Variants in TMEM9 observed in about 807,000 individuals in gnomAD.
TMEM9 encodes the protein proton-transporting V-type ATPase complex assembly regulator TMEM9.
TMEM9 carries 13 observed loss-of-function variants against 22.8 expected under a neutral mutation model. That is an observed-to-expected ratio of 0.57 (90% confidence interval 0.37 to 0.91). TMEM9 has a LOEUF of 0.91. TMEM9 is among the 40% of genes least tolerant of loss of function. TMEM9 has a pLI of 0.01. For missense variants in TMEM9, 182 were observed against 238.1 expected (o/e 0.76, Z 1.55); for synonymous variants, 88 against 93.0 (o/e 0.95, Z 0.31).
Position 201,135,047 on chromosome 1 carries a change from A to T in TMEM9, c.*616T>A, listed in dbSNP as rs1044760733. ...GACCGGCAGCAGAGTATGCATGGGC[A>T]CTCCATGCCCCAGTGCGAGAAGTGC... is the stretch of plus-strand genomic sequence containing the variant. On this transcript the variant is annotated 3_prime_UTR_variant, in exon 5 of 5. Transcript: ENST00000367330. The T allele has an allele frequency of 1.3e-5, 2 of 152,598 alleles. No individual in the cohort carries two copies. Among genetic ancestry groups the T allele is most frequent in the African/African-American group, 4.8e-5 (2 of 41,390 alleles). The allele number at this position is 152,598 out of a possible 1,614,324, so 9.5% of individuals were successfully genotyped here.
chr1:201,167,576 AC>A (rs1339606575), intron 1 of TMEM9, among the ~76,000 whole-genome samples: 6 of 152,206 alleles, frequency 3.9e-5, no homozygotes, highest in Non-Finnish European at 8.8e-5. Flanking sequence ...ATGACTGGCG[AC>A]CATTTATGTC....
chr1:201,166,209 CT>C lies in TMEM9; in HGVS notation c.-37+5280del, dbSNP rs554084124. ...TGTTTTTCTACTTTCTCTAATAAAT[CT>C]GCCTTTCTTTCCTATGACTGTCTTG... On this transcript the variant is annotated intron_variant, in intron 1 of 5. Transcript: ENST00000367333. 1.9e-3 allele frequency among the ~76,000 whole-genome samples: 291 copies of C among 152,242 alleles called. 1 individual carries two copies. Among genetic ancestry groups the C allele is most frequent in the African/African-American group, 6.9e-3 (287 of 41,548 alleles).
chr1:201,156,411 G>A (rs373711995), upstream of TMEM9, among the ~76,000 whole-genome samples: 29 of 152,124 alleles, frequency 1.9e-4, no homozygotes, highest in Admixed American at 8.5e-4. Context: ...TCAGCACATC[G>A]CTCATTGCTC....
intron 2 of TMEM9, among the ~76,000 whole-genome samples, chr1:201,149,497 C>T (rs1379537428): frequency 6.6e-6 from 1 of 152,200 alleles, no homozygotes; most frequent in African/African-American, 2.4e-5. Context: ...GGGAGTGTCT[C>T]TAATAACACA....
At chr1:201,138,958 A>T (rs1360626330) in intron 4 of TMEM9, among the ~76,000 whole-genome samples, 2 of 152,218 alleles carry the variant, frequency 1.3e-5, no homozygotes, top group Non-Finnish European at 2.9e-5. Flanking sequence ...CCACAGCTAG[A>T]GCAAGAACAG....
intron 4 of TMEM9, among the ~76,000 whole-genome samples, chr1:201,139,780 G>GC (rs1332587633): frequency 6.6e-6 from 1 of 152,210 alleles, no homozygotes; most frequent in Non-Finnish European, 1.5e-5. Context: ...ACACACGATC[G>GC]CAACAGTTAT....
intron 3 of TMEM9, 50 bp downstream of exon 3, chr1:201,146,690 G>T: frequency 6.4e-7 from 1 of 1,558,990 alleles, no homozygotes; most frequent in Non-Finnish European, 8.9e-7. Context: ...GTCTGCGATT[G>T]GAGAATGGCG....
At chr1:201,160,609 T>G in intron 1 of TMEM9, among the ~76,000 whole-genome samples, 1 of 127,204 alleles carries the variant, frequency 7.9e-6, no homozygotes. Flanking sequence ...ATATTGAGGT[T>G]ATACTGGGGA....
Position 201,154,066 on chromosome 1 carries a change from C to T in TMEM9, c.-143G>A. The T allele has an allele frequency of 2.0e-6, 2 of 979,140 alleles. No individual in the cohort carries two copies. Among genetic ancestry groups the T allele is most frequent in the South Asian group, 1.7e-5 (1 of 58,104 alleles). 60.7% of individuals were successfully genotyped at this position (979,140 alleles called of 1,614,324 possible). A position where few individuals can be genotyped will look rare whatever the true frequency, so the allele number is the denominator to read the frequency against. ...AGTGGGAATGGGGTTGGGGGCTGGGCTCCAGGATTCCAAGGCCTGCTAAAC... is the reference window on the plus strand; with the variant it reads ...AGTGGGAATGGGGTTGGGGGCTGGGTTCCAGGATTCCAAGGCCTGCTAAAC... On this transcript the variant is annotated 5_prime_UTR_variant, in exon 1 of 5. Transcript: ENST00000367330.
At chr1:201,142,948 C>A (rs1255019618) in intron 4 of TMEM9, among the ~76,000 whole-genome samples, 4 of 152,258 alleles carry the variant, frequency 2.6e-5, no homozygotes, top group African/African-American at 9.6e-5. Context: ...TGGAGGTACA[C>A]CACGTCTCAC....
chr1:201,151,731 G>A (rs769799937), intron 2 of TMEM9, 30 bp downstream of exon 2: 2 of 1,559,890 alleles, frequency 1.3e-6, no homozygotes, highest in Non-Finnish European at 1.8e-6. Flanking sequence ...ACTGGGTATA[G>A]CAGCCAGGGG....
chr1:201,136,321 C>T (rs1663981266), intron 4 of TMEM9, among the ~76,000 whole-genome samples: 1 of 152,212 alleles, frequency 6.6e-6, no homozygotes, highest in Non-Finnish European at 1.5e-5. Flanking sequence ...ACTCCCCTGC[C>T]CTCCACGCCA....
chr1:201,146,718 C>T (rs759458363), intron 3 of TMEM9, 22 bp downstream of exon 3: 2 of 1,605,556 alleles, frequency 1.2e-6, no homozygotes, highest in Non-Finnish European at 1.7e-6. Context: ...ATCCCACTGG[C>T]TTCCTGAGAC....
chr1:201,161,627 G>T (rs1015773035), intron 1 of TMEM9, among the ~76,000 whole-genome samples: 1 of 152,152 alleles, frequency 6.6e-6, no homozygotes, highest in African/African-American at 2.4e-5. Flanking sequence ...TTTACTTCAG[G>T]ACTTTTCAGA....
chr1:201,157,800 CA>C (rs2102289808), upstream of TMEM9, among the ~76,000 whole-genome samples: 1 of 152,214 alleles, frequency 6.6e-6, no homozygotes, highest in African/African-American at 2.4e-5. Flanking sequence ...GACCAAGGGC[CA>C]GGGGAGCCCA....
Position 201,135,783 on chromosome 1 carries a change from G to A in TMEM9, c.432C>T (p.Ser144=). 1.2e-6 allele frequency: 2 copies of A among 1,611,624 alleles called. No individual in the cohort carries two copies. Among genetic ancestry groups the A allele is most frequent in the Non-Finnish European group, 8.5e-7 (1 of 1,178,978 alleles). ...DARSMAAAAA[S]LGGPRANTVL... Reference sequence around the variant, plus strand: ...CTGTGTTTGCTCGGGGTCCCCCGAGGGATGCAGCAGCTGCTGCCATAGAGC... The same window carrying A: ...CTGTGTTTGCTCGGGGTCCCCCGAGAGATGCAGCAGCTGCTGCCATAGAGC... The change falls in exon 5 of 5, where the codon TCC becomes TCT. Residue 144 remains serine, a synonymous_variant. Transcript: ENST00000367330.
At position 201,139,073 on chromosome 1, in the gene TMEM9, G is replaced by A. The variant is rs1664268539; in HGVS notation, c.400-3258C>T. 3.3e-5 allele frequency among the ~76,000 whole-genome samples: 5 copies of A among 152,216 alleles called. No individual in the cohort carries two copies. The South Asian group carries it at 1.0e-3, about 32-fold the overall frequency. The stretch of plus-strand genomic sequence containing the variant: ...GGATAAGCCCCAGCTGATCAAACTA[G>A]CCCTGAGCCCTTCAGGCCGTCCCAG... On this transcript the variant is annotated intron_variant, in intron 4 of 4. Transcript: ENST00000367330.
At chr1:201,148,342 CA>C (rs1486356730) in intron 2 of TMEM9, among the ~76,000 whole-genome samples, 1 of 152,166 alleles carries the variant, frequency 6.6e-6, no homozygotes, top group Non-Finnish European at 1.5e-5. Context: ...CAGCCTTCCT[CA>C]GATCAGCATG....
rs915371661 is a variant in TMEM9, at chr1:201,143,847, C to T, written c.372G>A (p.Glu124=). The T allele has an allele frequency of 6.2e-7, 1 of 1,614,122 alleles. No homozygotes were observed. The highest frequency in any genetic ancestry group is 8.5e-7 in the Non-Finnish European group (1 of 1,180,012). ...PLIRKPDAYT[E]QLHNEEENED... ...CATTCTCCTCCTCATTGTGCAGTTG[C>T]TCAGTATATGCATCCGGCTTTCGGA... The change falls in exon 4 of 5, where the codon GAG becomes GAA. Residue 124 remains glutamate, a synonymous_variant. Coordinates refer to ENST00000367330, the MANE Select transcript of TMEM9 (RefSeq NM_001288565.2).
Sources: gnomAD v4.1 joint callset for allele counts (sites outside exome capture counted in the v4.1 genomes callset) on GRCh38, gnomAD v4.1.1 for gene constraint, MANE v1.5 for transcripts, NCBI Gene and HGNC (gene_info 2026-07-23, HGNC 2026-07-21) for gene names.